The following SLC39A14 variants were observed in gnomAD, a reference collection of about 807,000 sequenced individuals.
SLC39A14 encodes solute carrier family 39 member 14, also known as metal cation symporter ZIP14.
Under a neutral mutation model 45.5 loss-of-function variants are expected in SLC39A14, and 19 were observed. The ratio of observed to expected loss-of-function variants is 0.42; its 90% confidence interval spans 0.29 to 0.61. The LOEUF (loss-of-function observed/expected upper bound fraction) is 0.61, where lower values mean the gene tolerates loss of function less well. Ranked by LOEUF, SLC39A14 falls within the 20% of genes least tolerant of loss-of-function variation. SLC39A14 has a pLI of 0.22. For missense variants in SLC39A14, 447 were observed against 616.5 expected (o/e 0.73, Z 2.91); for synonymous variants, 264 against 251.3 (o/e 1.05, Z -0.48).
intron 2 of SLC39A14, among the ~76,000 whole-genome samples, chr8:22,405,455 G>A (rs544442529): frequency 1.3e-5 from 2 of 152,362 alleles, no homozygotes; most frequent in South Asian, 4.1e-4. Context: ...GGAGGTTGCA[G>A]TGAGCCAAGA....
intron 1 of SLC39A14, among the ~76,000 whole-genome samples, chr8:22,397,548 G>A (rs1020334832): frequency 3.9e-5 from 6 of 152,148 alleles, no homozygotes; most frequent in Non-Finnish European, 5.9e-5. Flanking sequence ...GCTGCACTCC[G>A]GCCTGGGCGA....
chr8:22,425,280 C>A (rs1836365248), downstream of SLC39A14, among the ~76,000 whole-genome samples: 1 of 152,162 alleles, frequency 6.6e-6, no homozygotes, highest in East Asian at 1.9e-4. Context: ...GTGACCTTAG[C>A]CATCTCTTTG....
At chr8:22,431,174 A>G (rs1346805649) in intron 8 of SLC39A14, among the ~76,000 whole-genome samples, 1 of 151,856 alleles carries the variant, frequency 6.6e-6, no homozygotes, top group African/African-American at 2.4e-5. Context: ...TTTTTAGTAG[A>G]GACAGGGTTT....
chr8:22,375,549 A>C (rs1419861715), intron 1 of SLC39A14, among the ~76,000 whole-genome samples: 11 of 151,858 alleles, frequency 7.2e-5, no homozygotes, highest in African/African-American at 2.7e-4. Flanking sequence ...GCAGTGGCAC[A>C]ATCTCGGCTC....
intron 1 of SLC39A14, 148 bp from the exon 2 acceptor site, chr8:22,404,548 G>T (rs1482672363): frequency 3.0e-6 from 2 of 660,888 alleles, no homozygotes; most frequent in Non-Finnish European, 5.1e-6. Context: ...TCAAAAGAAG[G>T]GTTTTTCTCA....
chr8:22,387,627 A>G (rs1833858978), intron 1 of SLC39A14, among the ~76,000 whole-genome samples: 1 of 152,168 alleles, frequency 6.6e-6, no homozygotes, highest in South Asian at 2.1e-4. Context: ...ACCTGAGGAT[A>G]GGGGGCCTTG....
intron 1 of SLC39A14, among the ~76,000 whole-genome samples, chr8:22,385,674 G>C (rs1833754564): frequency 6.6e-6 from 1 of 152,146 alleles, no homozygotes; most frequent in Non-Finnish European, 1.5e-5. Context: ...TGACACAGTG[G>C]TCTATAGACC....
chr8:22,427,433 A>G (rs1265505221), downstream of SLC39A14, among the ~76,000 whole-genome samples: 1 of 152,194 alleles, frequency 6.6e-6, no homozygotes, highest in Admixed American at 6.5e-5. Flanking sequence ...TTTAAGAAGG[A>G]AAACAACTAA....
At chr8:22,368,449 C>T (rs1338070445) in intron 1 of SLC39A14, among the ~76,000 whole-genome samples, 1 of 152,176 alleles carries the variant, frequency 6.6e-6, no homozygotes, top group Non-Finnish European at 1.5e-5. Context: ...ACTAGATCTC[C>T]TTAACCACAG....
intron 1 of SLC39A14, among the ~76,000 whole-genome samples, chr8:22,389,425 C>A (rs953335156): frequency 1.3e-5 from 2 of 148,726 alleles, no homozygotes; most frequent in Non-Finnish European, 3.0e-5. Flanking sequence ...GCTAGGAGAT[C>A]GCGCAGGGGG....
At position 22,420,633 on chromosome 8, in the gene SLC39A14, T is replaced by G; in HGVS notation, c.*935T>G. 2.0e-6 allele frequency: 2 copies of G among 985,396 alleles called. No individual in the cohort carries two copies. The highest frequency in any genetic ancestry group is 2.4e-6 in the Non-Finnish European group (2 of 829,916). The allele number at this position is 985,396 out of a possible 1,614,324, so 61.0% of individuals were successfully genotyped here. A position where few individuals can be genotyped will look rare whatever the true frequency, so the allele number is the denominator to read the frequency against. On this transcript the variant is annotated 3_prime_UTR_variant, in exon 9 of 9. Transcript: ENST00000381237. ...CTGCACAAACTATCCTCCCCCAGGT[T>G]GAGACGTCTGCAGAGTGGCAAGCTG...
intron 8 of SLC39A14, among the ~76,000 whole-genome samples, chr8:22,432,771 C>G (rs1404494274): frequency 3.3e-5 from 5 of 151,072 alleles, no homozygotes; most frequent in Admixed American, 2.6e-4. Context: ...TCTCAGCCTC[C>G]CAAGTAGCTG....
In SLC39A14 at chr8:22,382,436, T is replaced by C. The variant is rs548806308; in HGVS notation, c.-16+15028T>C. Among the ~76,000 whole-genome samples the C allele has an allele frequency of 3.3e-5, 5 of 152,086 alleles. 1 individual carries two copies. Among genetic ancestry groups the C allele is most frequent in the African/African-American group, 1.2e-4 (5 of 41,472 alleles). On this transcript the variant is annotated intron_variant, in intron 1 of 8. Coordinates refer to ENST00000381237, the MANE Select transcript of SLC39A14 (RefSeq NM_001128431.4). ...CTGTAGTCCCAGCTACTTGGACAGA[T>C]GAGACTGGGGAGGATTGCTTGAGTT... is the stretch of plus-strand genomic sequence containing the variant.
chr8:22,428,290 T>G (rs1343082481), intron 8 of SLC39A14, among the ~76,000 whole-genome samples: 2 of 152,002 alleles, frequency 1.3e-5, no homozygotes, highest in East Asian at 3.9e-4. Context: ...AGAGCGAAAC[T>G]CTGTCTCAAA....
At chr8:22,403,209 C>G (rs746568556) in intron 1 of SLC39A14, among the ~76,000 whole-genome samples, 2 of 152,148 alleles carry the variant, frequency 1.3e-5, no homozygotes, top group Non-Finnish European at 2.9e-5. Context: ...ATCTCCTGAC[C>G]TCGTGACCTG....
intron 7 of SLC39A14, 128 bp from the exon 8 acceptor site, chr8:22,417,523 C>A: frequency 1.3e-6 from 1 of 785,622 alleles, no homozygotes. Flanking sequence ...AGGCTGGATT[C>A]AAACTCCTGA....
chr8:22,379,401 G>A (rs1030775551), intron 1 of SLC39A14: 1 of 152,276 alleles, frequency 6.6e-6, no homozygotes, highest in African/African-American at 2.4e-5. Context: ...AGCTGCCAAA[G>A]AAAAGAGATT....
chr8:22,399,559 G>A (rs2132284862), intron 1 of SLC39A14, among the ~76,000 whole-genome samples: 1 of 152,366 alleles, frequency 6.6e-6, no homozygotes, highest in African/African-American at 2.4e-5. Context: ...GAGCCTGGAT[G>A]CTGTCTTGTG....
chr8:22,401,327 T>C (rs1834839743), intron 1 of SLC39A14, among the ~76,000 whole-genome samples: 1 of 152,202 alleles, frequency 6.6e-6, no homozygotes, highest in African/African-American at 2.4e-5. Flanking sequence ...GTCCGAGCCC[T>C]GGGTGCCTGG....
Sources: gnomAD v4.1 joint callset for allele counts (sites outside exome capture counted in the v4.1 genomes callset) on GRCh38, gnomAD v4.1.1 for gene constraint, MANE v1.5 for transcripts, NCBI Gene and HGNC (gene_info 2026-07-23, HGNC 2026-07-21) for gene names.